The following PIBF1 variants were observed in gnomAD, a reference collection of about 807,000 sequenced individuals.
The protein encoded by PIBF1 is progesterone-induced-blocking factor 1.
A neutral mutation model predicts 112.5 loss-of-function variants in PIBF1; 90 were observed. That is an observed-to-expected ratio of 0.80 (90% CI 0.67 to 0.95). The LOEUF (loss-of-function observed/expected upper bound fraction) is 0.95, where lower values mean the gene tolerates loss of function less well. Among genes scored for constraint, PIBF1 ranks in the 40% least tolerant of loss-of-function variants. The pLI is 0.00. For synonymous variants in PIBF1, 301 were observed against 288.6 expected, an observed-to-expected ratio of 1.04 and a Z score of -0.44; for missense variants, 915 against 852.3, an observed-to-expected ratio of 1.07 and a Z score of -0.92.
Position 72,792,442 on chromosome 13 carries a change from C to G in PIBF1, c.253-5C>G. ...CATATAATTTATCTTTTTCTCTTTA[C>G]GAAGATTGAAGAATTGGAGGAGAAA... On this transcript the variant is annotated splice_region_variant and splice_polypyrimidine_tract_variant and intron_variant, in intron 2 of 17. Coordinates refer to ENST00000326291, the MANE Select transcript of PIBF1 (RefSeq NM_006346.4). 9.4e-6 allele frequency: 14 copies of G among 1,489,808 alleles called. No individual in the cohort carries two copies. The highest frequency in any genetic ancestry group is 1.3e-5 in the Non-Finnish European group (14 of 1,097,502). 92.3% of individuals were successfully genotyped at this position (1,489,808 alleles called of 1,614,324 possible). A position where few individuals can be genotyped will look rare whatever the true frequency, so the allele number is the denominator to read the frequency against.
At chr13:72,894,529 G>A (rs768498526) in intron 11 of PIBF1, among the ~76,000 whole-genome samples, 4 of 151,694 alleles carry the variant, frequency 2.6e-5, no homozygotes, top group African/African-American at 9.7e-5. Context: ...TTCACAAATG[G>A]TATAAAATGT....
At chr13:72,861,618 G>A (rs941555204) in intron 10 of PIBF1, among the ~76,000 whole-genome samples, 11 of 152,142 alleles carry the variant, frequency 7.2e-5, no homozygotes, top group Admixed American at 1.3e-4. Context: ...AGGCCAGAGT[G>A]CAGTGGCATG....
At chr13:72,878,804 A>G (rs763978432) in intron 10 of PIBF1, among the ~76,000 whole-genome samples, 5 of 152,192 alleles carry the variant, frequency 3.3e-5, no homozygotes, top group Non-Finnish European at 5.9e-5. Flanking sequence ...TCTTGGACAT[A>G]TAAATGTTAA....
intron 16 of PIBF1, among the ~76,000 whole-genome samples, chr13:72,984,321 C>T (rs1412780416): frequency 6.6e-6 from 1 of 152,086 alleles, no homozygotes; most frequent in African/African-American, 2.4e-5. Context: ...TTACAAATTA[C>T]TTTCAAGTAA....
chr13:72,944,756 A>G lies in PIBF1; in HGVS notation c.1833+13489A>G, dbSNP rs575958588. ...TCAGGGGTACATGGGCAGGTTTATT[A>G]TCTGGGTTTTTTGTTGGTTGGTTTT... is the stretch of plus-strand genomic sequence containing the variant. On this transcript the variant is annotated intron_variant, in intron 14 of 17. Coordinates refer to ENST00000326291, the MANE Select transcript of PIBF1 (RefSeq NM_006346.4). Among the ~76,000 whole-genome samples, 5 of 152,010 alleles carry G rather than the reference A, an allele frequency of 3.3e-5. No individual in the cohort carries two copies. In the South Asian group the frequency reaches 1.0e-3, roughly 32 times the overall value.
intron 11 of PIBF1, among the ~76,000 whole-genome samples, chr13:72,906,392 T>A (rs1264004491): frequency 6.6e-6 from 1 of 152,176 alleles, no homozygotes; most frequent in Admixed American, 6.5e-5. Flanking sequence ...AACTTTATAT[T>A]TAATGGATTC....
At chr13:72,861,719 C>T (rs1427713471) in intron 10 of PIBF1, among the ~76,000 whole-genome samples, 1 of 152,098 alleles carries the variant, frequency 6.6e-6, no homozygotes, top group Non-Finnish European at 1.5e-5. Context: ...GTGTGTGCCA[C>T]CACACCTGGC....
intron 13 of PIBF1, among the ~76,000 whole-genome samples, chr13:72,919,258 G>A (rs1054922258): frequency 2.0e-5 from 3 of 152,144 alleles, no homozygotes; most frequent in Admixed American, 6.6e-5. Context: ...AGAATATAGA[G>A]CACTTTATAG....
chr13:72,988,618 ATGACTTTGAATTAAAG>A (rs1224389164), intron 16 of PIBF1, among the ~76,000 whole-genome samples: 1 of 152,214 alleles, frequency 6.6e-6, no homozygotes, highest in Non-Finnish European at 1.5e-5. Flanking sequence ...TGTAGAATGG[ATGACTTTGAATTAAAG>A]TTATATTTTC....
chr13:72,834,648 CAA>C (rs2037274070), intron 8 of PIBF1, among the ~76,000 whole-genome samples: 1 of 151,908 alleles, frequency 6.6e-6, no homozygotes, highest in Non-Finnish European at 1.5e-5. Flanking sequence ...AATACTAAAA[CAA>C]AACAAATTTT....
At chr13:72,896,677 TGAACAA>T (rs935616989) in intron 11 of PIBF1, among the ~76,000 whole-genome samples, 1 of 152,110 alleles carries the variant, frequency 6.6e-6, no homozygotes, top group Non-Finnish European at 1.5e-5. Context: ...GCAATAGAAT[TGAACAA>T]GTAGAAGAAA....
At chr13:72,981,756 A>T (rs2138969586) in intron 16 of PIBF1, among the ~76,000 whole-genome samples, 1 of 152,340 alleles carries the variant, frequency 6.6e-6, no homozygotes, top group Non-Finnish European at 1.5e-5. Context: ...GTAAACATAG[A>T]AGATGGAAAC....
At chr13:72,944,748 G>C (rs2042104857) in intron 14 of PIBF1, among the ~76,000 whole-genome samples, 2 of 151,866 alleles carry the variant, frequency 1.3e-5, no homozygotes, top group South Asian at 4.2e-4. Flanking sequence ...TACATGGGCA[G>C]GTTTATTATC....
chr13:72,842,447 C>T (rs1459314384), intron 9 of PIBF1, among the ~76,000 whole-genome samples: 2 of 152,118 alleles, frequency 1.3e-5, no homozygotes, highest in Non-Finnish European at 2.9e-5. Context: ...ATTTTATTTT[C>T]CTGCCGAATC....
chr13:72,987,858 A>ATTTATTTATTTTTTT (rs1345167411), intron 16 of PIBF1, among the ~76,000 whole-genome samples: 1 of 58,134 alleles, frequency 1.7e-5, no homozygotes, highest in African/African-American at 9.3e-5. Flanking sequence ...TTATTTATTT[A>ATTTATTTATTTTTTT]TTTTTTTTTT....
At chr13:72,878,718 C>T (rs1566395658) in intron 10 of PIBF1, among the ~76,000 whole-genome samples, 1 of 152,144 alleles carries the variant, frequency 6.6e-6, no homozygotes, top group African/African-American at 2.4e-5. Flanking sequence ...CTAATACTAG[C>T]GTGTTGAAGT....
At chr13:72,875,904 G>C (rs1378472145) in intron 10 of PIBF1, among the ~76,000 whole-genome samples, 1 of 152,016 alleles carries the variant, frequency 6.6e-6, no homozygotes, top group Non-Finnish European at 1.5e-5. Context: ...TCCTTCTCTT[G>C]ATGGTGTCTT....
intron 10 of PIBF1, among the ~76,000 whole-genome samples, chr13:72,855,970 A>G (rs907793061): frequency 6.6e-6 from 1 of 152,186 alleles, no homozygotes; most frequent in African/African-American, 2.4e-5. Context: ...TCATCACTTG[A>G]TAGCTACTGT....
In PIBF1 at chr13:72,782,890, GTGTGTGTGTGTGTGTGTT is replaced by G. The variant is rs1469213363; in HGVS notation, c.-47-527_-47-510del. Among the ~76,000 whole-genome samples the G allele has an allele frequency of 8.1e-3, 1,154 of 142,476 alleles. 16 individuals carry two copies. The highest frequency in any genetic ancestry group is 0.028 in the African/African-American group (1,119 of 39,446). 93.5% of individuals were successfully genotyped at this position (142,476 alleles called of 152,430 possible). ...TCGTTAAGGGCGTGTGTGTGTGTGT[GTGTGTGTGTGTGTGTGTT>G]TGTGTTTGTGTTGGGGGGGCGGTGA... is the stretch of plus-strand genomic sequence containing the variant. On this transcript the variant is annotated intron_variant, in intron 1 of 17. Coordinates refer to ENST00000326291, the MANE Select transcript of PIBF1 (RefSeq NM_006346.4).
Sources: gnomAD v4.1 joint callset for allele counts (sites outside exome capture counted in the v4.1 genomes callset) on GRCh38, gnomAD v4.1.1 for gene constraint, MANE v1.5 for transcripts, NCBI Gene and HGNC (gene_info 2026-07-23, HGNC 2026-07-21) for gene names.